The following PAX8 variants were observed in gnomAD, a reference collection of about 807,000 sequenced individuals.
The protein encoded by PAX8 is paired box 8.
A neutral mutation model predicts 52.4 loss-of-function variants in PAX8; 15 were observed. The observed-to-expected ratio is 0.29, with a 90% CI of 0.19 to 0.44. The LOEUF (loss-of-function observed/expected upper bound fraction) is 0.44, where lower values mean the gene tolerates loss of function less well. Ranked by LOEUF, PAX8 falls within the 20% of genes least tolerant of loss-of-function variation. The probability of loss-of-function intolerance (pLI) is 1.00; values close to 1 mark genes in which losing one functional copy is unlikely to be tolerated. For missense variants in PAX8, 554 were observed against 602.5 expected, an observed-to-expected ratio of 0.92 and a Z score of 0.84; for synonymous variants, 284 against 249.7, an observed-to-expected ratio of 1.14 and a Z score of -1.29.
chr2:113,259,452 A>G (rs6734610), intron 2 of PAX8: 78,280 of 152,814 alleles, frequency 0.51, 20,356 homozygotes, highest in African/African-American at 0.6. Context: ...TCCCGCAGAC[A>G]CCTGGCTCCT....
chr2:113,237,748 C>T (rs562726289), intron 7 of PAX8: 11 of 152,336 alleles, frequency 7.2e-5, no homozygotes, highest in Admixed American at 5.9e-4. Context: ...GAAAAAAGAA[C>T]ACACCCATTC....
intron 9 of PAX8, among the ~76,000 whole-genome samples, chr2:113,232,402 A>AG (rs893675310): frequency 6.6e-6 from 1 of 152,194 alleles, no homozygotes; most frequent in Non-Finnish European, 1.5e-5. Context: ...CCCTTGGGCT[A>AG]GGGGGCCCTG....
intron 3 of PAX8, 56 bp from the exon 4 acceptor site, chr2:113,244,680 C>T: frequency 1.3e-6 from 2 of 1,539,740 alleles, no homozygotes; most frequent in Non-Finnish European, 1.8e-6. Flanking sequence ...GGTCTTTAGA[C>T]AGGGATTTAG....
At chr2:113,257,678 A>G (rs904177523) in intron 2 of PAX8, among the ~76,000 whole-genome samples, 9 of 152,212 alleles carry the variant, frequency 5.9e-5, no homozygotes, top group Admixed American at 5.9e-4. Context: ...CTCGTATTTC[A>G]CCAATGCTGG....
At chr2:113,243,392 T>C (rs1691035543) in intron 4 of PAX8, among the ~76,000 whole-genome samples, 1 of 39,576 alleles carries the variant, frequency 2.5e-5, no homozygotes, top group Admixed American at 3.8e-4. Flanking sequence ...TTCTTTTCTT[T>C]CTTTCTTTTT....
At chr2:113,225,830 A>G (rs1262965236) in intron 10 of PAX8, 1 of 831,624 alleles carries the variant, frequency 1.2e-6, no homozygotes, top group Non-Finnish European at 1.4e-6. Context: ...AATGGGGGGA[A>G]CCGACTGGAG....
rs140259643 is a variant in PAX8, at chr2:113,252,764, G to A, written c.26-5845C>T. Among the ~76,000 whole-genome samples the A allele has an allele frequency of 1.6e-3, 243 of 152,214 alleles. 1 individual carries two copies. The highest frequency in any genetic ancestry group is 5.3e-3 in the Admixed American group (81 of 15,294). On this transcript the variant is annotated intron_variant, in intron 2 of 11. Coordinates refer to ENST00000429538, the MANE Select transcript of PAX8 (RefSeq NM_003466.4). ...TCTACCTGTGCTGGAATCCTACTCC[G>A]TCAATTATCCTCCCATTTAAAAACA...
rs149585280 is a variant in PAX8, at chr2:113,227,140, C to T, written c.1189+15G>A. ...CTCTTTGCAGTGCTCCCCTTCCTGC[C>T]GGCCCTCTCCTTACCTGCCACCATG... is the stretch of plus-strand genomic sequence containing the variant. On this transcript the variant is annotated intron_variant, in intron 10 of 11. Transcript: ENST00000429538. The T allele has an allele frequency of 3.6e-3, 5,700 of 1,574,022 alleles. 18 individuals are homozygous for T. The highest frequency in any genetic ancestry group is 0.01 in the Middle Eastern group (63 of 6,014).
At chr2:113,264,874 G>A (rs1223318534) in intron 2 of PAX8, among the ~76,000 whole-genome samples, 2 of 152,170 alleles carry the variant, frequency 1.3e-5, no homozygotes, top group Admixed American at 1.3e-4. Flanking sequence ...GAGACACAGA[G>A]GTGAGAATGT....
intron 2 of PAX8, chr2:113,271,227 TCC>T (rs1693439937): frequency 6.6e-6 from 1 of 152,104 alleles, no homozygotes; most frequent in African/African-American, 2.4e-5. Flanking sequence ...TGGGGAAGCC[TCC>T]CCAGCCACTC....
chr2:113,244,350 G>A, intron 4 of PAX8, 77 bp downstream of exon 4: 1 of 1,124,662 alleles, frequency 8.9e-7, no homozygotes, highest in South Asian at 1.2e-5. Flanking sequence ...CCCAAGCCAG[G>A]CCTTTCTTGT....
chr2:113,256,147 C>T (rs1692230744), intron 2 of PAX8, among the ~76,000 whole-genome samples: 1 of 152,156 alleles, frequency 6.6e-6, no homozygotes, highest in Non-Finnish European at 1.5e-5. Context: ...AGAAACCTTC[C>T]TAGGTATTTC....
chr2:113,244,668 G>T, intron 3 of PAX8, 44 bp from the exon 4 acceptor site: 2 of 1,574,592 alleles, frequency 1.3e-6, no homozygotes. Context: ...ATAAGCAGGT[G>T]GGGTCTTTAG....
In PAX8 at chr2:113,217,716, G is replaced by T; in HGVS notation, c.*817C>A. On this transcript the variant is annotated 3_prime_UTR_variant, in exon 12 of 12. Coordinates refer to ENST00000429538, the MANE Select transcript of PAX8 (RefSeq NM_003466.4). ...GTTTCCTGCGATTCTGCCTTGTTCT[G>T]CCCTGGGTGAAGCCGCACACCACAC... 1 of 232,460 alleles carries T rather than the reference G, an allele frequency of 4.3e-6. No individual in the cohort carries two copies. Among genetic ancestry groups the T allele is most frequent in the Non-Finnish European group, 8.5e-6 (1 of 117,590 alleles). The allele number at this position is 232,460 out of a possible 1,614,324, so 14.4% of individuals were successfully genotyped here. A position where few individuals can be genotyped will look rare whatever the true frequency, so the allele number is the denominator to read the frequency against.
chr2:113,225,381 G>C (rs568117184), intron 10 of PAX8, among the ~76,000 whole-genome samples: 1 of 152,348 alleles, frequency 6.6e-6, no homozygotes, highest in South Asian at 2.1e-4. Flanking sequence ...GCAGTGGTAA[G>C]AGACGGACAT....
intron 2 of PAX8, among the ~76,000 whole-genome samples, chr2:113,259,891 GGGTCTCTGCGTTTGGGGA>G (rs1260828347): frequency 6.6e-6 from 1 of 152,232 alleles, no homozygotes; most frequent in Non-Finnish European, 1.5e-5. Context: ...GGAAGGTCCA[GGGTCTCTGCGTTTGGGGA>G]GGGAAACAGG....
chr2:113,277,993 G>A (rs980203913), intron 2 of PAX8, among the ~76,000 whole-genome samples: 8 of 152,232 alleles, frequency 5.3e-5, no homozygotes, highest in Non-Finnish European at 1.0e-4. Flanking sequence ...TAGAGGTCGG[G>A]GACGGGGAAA....
intron 9 of PAX8, among the ~76,000 whole-genome samples, chr2:113,233,348 C>T (rs1270541401): frequency 6.6e-6 from 1 of 150,818 alleles, no homozygotes; most frequent in Non-Finnish European, 1.5e-5. Flanking sequence ...AAAAAAAACC[C>T]GGGTGCCAGC....
chr2:113,246,271 A>C (rs761584417), intron 3 of PAX8, among the ~76,000 whole-genome samples: 73 of 152,356 alleles, frequency 4.8e-4, no homozygotes, highest in Middle Eastern at 6.8e-3. Context: ...GGTGACTGTA[A>C]TGTGCTACCA....
Sources: gnomAD v4.1 joint callset for allele counts (sites outside exome capture counted in the v4.1 genomes callset) on GRCh38, gnomAD v4.1.1 for gene constraint, MANE v1.5 for transcripts, NCBI Gene and HGNC (gene_info 2026-07-23, HGNC 2026-07-21) for gene names.